FIZ1: variants seen among roughly 807,000 people sequenced by gnomAD.
FIZ1 encodes the protein flt3-interacting zinc finger protein 1.
A neutral mutation model predicts 5.3 loss-of-function variants in FIZ1; 2 were observed. That is an observed-to-expected ratio of 0.37 (90% CI 0.15 to 1.18). The LOEUF (loss-of-function observed/expected upper bound fraction) is 1.18, where lower values mean the gene tolerates loss of function less well. Ranked by LOEUF, FIZ1 falls within the 50% of genes most tolerant of loss-of-function variation. FIZ1 has a pLI of 0.37. For missense variants in FIZ1, 631 were observed against 749.7 expected, an observed-to-expected ratio of 0.84 and a Z score of 1.85; for synonymous variants, 407 against 364.2, an observed-to-expected ratio of 1.12 and a Z score of -1.34.
chr19:55,598,194 CT>C (rs1184794764), intron 1 of FIZ1: 2 of 374,334 alleles, frequency 5.3e-6, no homozygotes, highest in Non-Finnish European at 9.8e-6. Flanking sequence ...CTCTGTGCCC[CT>C]CCCACTGTAA....
Position 55,592,393 on chromosome 19 carries a change from T to C in FIZ1, c.*57A>G. On this transcript the variant is annotated 3_prime_UTR_variant, in exon 3 of 3. Coordinates refer to ENST00000221665, the MANE Select transcript of FIZ1 (RefSeq NM_032836.3). This position sits in a 1 kb window ranked among gnomAD's most constrained non-coding sequence, Gnocchi z 6.9. ...CCTCACGCGCAGTCCCGAGGTCCCCTGGTCCAGGCCGAGTCCAGGAGGCTG... is the reference window on the plus strand; with the variant it reads ...CCTCACGCGCAGTCCCGAGGTCCCCCGGTCCAGGCCGAGTCCAGGAGGCTG... 2.0e-6 allele frequency: 3 copies of C among 1,463,878 alleles called. No individual in the cohort carries two copies. Among genetic ancestry groups the C allele is most frequent in the Non-Finnish European group, 2.7e-6 (3 of 1,098,010 alleles). The allele number at this position is 1,463,878 out of a possible 1,614,324, so 90.7% of individuals were successfully genotyped here. A position where few individuals can be genotyped will look rare whatever the true frequency, so the allele number is the denominator to read the frequency against.
At position 55,592,670 on chromosome 19, in the gene FIZ1, C is replaced by A; in HGVS notation, c.1271G>T (p.Arg424Leu). The A allele has an allele frequency of 6.2e-7, 1 of 1,613,380 alleles. No individual in the cohort carries two copies. The highest frequency in any genetic ancestry group is 8.5e-7 in the Non-Finnish European group (1 of 1,179,882). ...FGCSECEKLF[R>L]SPRDLERHVL... ...GTGCCGCTCCAGGTCTCGCGGTGAG[C>A]GGAACAGCTTCTCGCACTCGGAGCA... The change falls in exon 3 of 3, where the codon CGC (arginine) becomes CTC (leucine). Residue 424 changes from arginine (R) to leucine (L), a missense_variant. Coordinates refer to ENST00000221665, the MANE Select transcript of FIZ1 (RefSeq NM_032836.3). This position sits in a 1 kb window ranked among gnomAD's most constrained non-coding sequence, Gnocchi z 6.9.
Position 55,592,296 on chromosome 19 carries a change from G to T in FIZ1, c.*154C>A. On this transcript the variant is annotated 3_prime_UTR_variant, in exon 3 of 3. Transcript: ENST00000221665. The surrounding 1 kb of genome is among the most constrained non-coding windows in gnomAD (Gnocchi z 6.9). Reference sequence around the variant, plus strand: ...TCCGGGGCCTTTGTGGGTTTTTGGTGGCCCCCACCTCTCCAGTCAGGGTCC... The same window carrying T: ...TCCGGGGCCTTTGTGGGTTTTTGGTTGCCCCCACCTCTCCAGTCAGGGTCC... The T allele has an allele frequency of 2.5e-6, 2 of 812,230 alleles. No homozygotes were observed. Among genetic ancestry groups the T allele is most frequent in the Non-Finnish European group, 3.7e-6 (2 of 542,920 alleles). The allele number at this position is 812,230 out of a possible 1,614,324, so 50.3% of individuals were successfully genotyped here.
intron 1 of FIZ1, chr19:55,598,806 C>T (rs74490421): frequency 0.14 from 20,751 of 152,222 alleles, 1,575 homozygotes; most frequent in Admixed American, 0.18. Context: ...AGTCTATTCC[C>T]ATCCCCTGCA....
At chr19:55,594,034 G>A (rs1352675087) in intron 2 of FIZ1, among the ~76,000 whole-genome samples, 2 of 152,034 alleles carry the variant, frequency 1.3e-5, no homozygotes, top group African/African-American at 2.4e-5. Flanking sequence ...GCTGCAGTAA[G>A]CCGTGACCAT....
Position 55,592,824 on chromosome 19 carries a change from A to G in FIZ1, c.1117T>C (p.Leu373=), listed in dbSNP as rs1276532097. 1.3e-6 allele frequency: 2 copies of G among 1,575,798 alleles called. No individual in the cohort carries two copies. ...TGGCTGACCCGCCGGTGCTCCTCCA[A>G]GGCGGCCAGCGCCGCGTACAGAGCC... ...CGALYAALAA[L]EEHRRVSHGE... Residue 373 remains leucine (L), a synonymous_variant, in exon 3 of 3, where the codon TTG becomes CTG. Transcript: ENST00000221665. This position sits in a 1 kb window ranked among gnomAD's most constrained non-coding sequence, Gnocchi z 6.9.
rs1280683520 is a variant in FIZ1, at chr19:55,593,021, C to T, written c.920G>A (p.Gly307Glu). The T allele has an allele frequency of 2.1e-6, 3 of 1,447,496 alleles. No individual in the cohort carries two copies. The South Asian group carries it at 4.0e-5, about 19-fold the overall frequency. 89.7% of individuals were successfully genotyped at this position (1,447,496 alleles called of 1,614,324 possible). ...PAGGGVPKLG[G>E]LLPEGGGEAP... ...CTCCCCACCGCCCTCGGGGAGCAGC[C>T]CCCCGAGCTTGGGCACGCCGCCCCC... Residue 307 changes from glycine to glutamate, a missense_variant, in exon 3 of 3, where the codon GGG becomes GAG. Gly to Glu is a moderately conservative substitution (Grantham distance 98). Coordinates refer to ENST00000221665, the MANE Select transcript of FIZ1 (RefSeq NM_032836.3). The surrounding 1 kb of genome is among the most constrained non-coding windows in gnomAD (Gnocchi z 6.3).
chr19:55,592,789 G>A lies in FIZ1; in HGVS notation c.1152C>T (p.Gly384=), dbSNP rs368962867. Reference sequence around the variant, plus strand: ...CGGCGGTCGCCGCCTCCTCCCCGCCGCCCTCACCGTGGCTGACCCGCCGGT... The same window carrying A: ...CGGCGGTCGCCGCCTCCTCCCCGCCACCCTCACCGTGGCTGACCCGCCGGT... The part of the protein sequence containing the change: ...EEHRRVSHGE[G]GGEEAATAAR... The change falls in exon 3 of 3, where the codon GGC becomes GGT. Residue 384 remains glycine (G), a synonymous_variant. Coordinates refer to ENST00000221665, the MANE Select transcript of FIZ1 (RefSeq NM_032836.3). The surrounding 1 kb of genome is among the most constrained non-coding windows in gnomAD (Gnocchi z 6.9). 10 of 1,593,892 alleles carry A rather than the reference G, an allele frequency of 6.3e-6. No individual in the cohort carries two copies. The highest frequency in any genetic ancestry group is 8.5e-6 in the Non-Finnish European group (10 of 1,174,326).
chr19:55,594,629 G>A lies in FIZ1; in HGVS notation c.295-983C>T, dbSNP rs1327866022. Among the ~76,000 whole-genome samples the A allele has an allele frequency of 5.3e-5, 8 of 150,028 alleles. No homozygotes were observed. The East Asian group carries it at 5.9e-4, about 11-fold the overall frequency. On this transcript the variant is annotated intron_variant, in intron 2 of 2. Transcript: ENST00000221665. ...GGAGAATGGCATGAACCCGGGAGGC[G>A]GAGCTTGCAGTGAGCCGAGATCGCG... is the stretch of plus-strand genomic sequence containing the variant.
chr19:55,597,446 C>A, intron 2 of FIZ1, 126 bp downstream of exon 2: 1 of 1,433,974 alleles, frequency 7.0e-7, no homozygotes, highest in South Asian at 1.5e-5. Flanking sequence ...GGGACATTTT[C>A]TAATGGGAGG....
Position 55,593,107 on chromosome 19 carries a change from G to A in FIZ1, c.834C>T (p.Thr278=), listed in dbSNP as rs1216716493. The change falls in exon 3 of 3, where the codon ACC becomes ACT. Residue 278 remains threonine, a synonymous_variant. Coordinates refer to ENST00000221665, the MANE Select transcript of FIZ1 (RefSeq NM_032836.3). This position sits in a 1 kb window ranked among gnomAD's most constrained non-coding sequence, Gnocchi z 6.3. Reference sequence around the variant, plus strand: ...GAGGAGCGTCGCCCGCCTCCGCAGCGGTGCCTTCGCCCGCCGTCTCGGGCC... The same window carrying A: ...GAGGAGCGTCGCCCGCCTCCGCAGCAGTGCCTTCGCCCGCCGTCTCGGGCC... ...GAGPETAGEG[T]AAEAGDAPLA... The A allele has an allele frequency of 9.2e-6, 12 of 1,299,796 alleles. No homozygotes were observed. The highest frequency in any genetic ancestry group is 7.5e-5 in the East Asian group (2 of 26,574). The allele number at this position is 1,299,796 out of a possible 1,614,324, so 80.5% of individuals were successfully genotyped here. A position where few individuals can be genotyped will look rare whatever the true frequency, so the allele number is the denominator to read the frequency against.
At position 55,593,774 on chromosome 19, in the gene FIZ1, C is replaced by T; in HGVS notation, c.295-128G>A. The T allele has an allele frequency of 1.2e-6, 1 of 825,252 alleles. No individual in the cohort carries two copies. Among genetic ancestry groups the T allele is most frequent in the Non-Finnish European group, 1.9e-6 (1 of 513,534 alleles). 51.1% of individuals were successfully genotyped at this position (825,252 alleles called of 1,614,324 possible). ...CCTACAGGGCCATGATCTAGGGAAACGCTCGTCCTATCACTCTCTGTTTGG... is the reference window on the plus strand; with the variant it reads ...CCTACAGGGCCATGATCTAGGGAAATGCTCGTCCTATCACTCTCTGTTTGG... On this transcript the variant is annotated intron_variant, in intron 2 of 2. Transcript: ENST00000221665. This position sits in a 1 kb window ranked among gnomAD's most constrained non-coding sequence, Gnocchi z 6.3.
intron 2 of FIZ1, among the ~76,000 whole-genome samples, chr19:55,596,405 G>C (rs1980328404): frequency 6.6e-6 from 1 of 152,130 alleles, no homozygotes; most frequent in Non-Finnish European, 1.5e-5. Flanking sequence ...CTGGCACATA[G>C]ACAGAGTGTG....
At chr19:55,598,226 C>T in intron 1 of FIZ1, 1 of 294,462 alleles carries the variant, frequency 3.4e-6, no homozygotes, top group Non-Finnish European at 6.5e-6. Context: ...TCCCACTCTT[C>T]CTTAAGTCCC....
At chr19:55,598,173 C>T (rs1212731343) in intron 1 of FIZ1, 4 of 434,298 alleles carry the variant, frequency 9.2e-6, no homozygotes, top group Admixed American at 3.7e-5. Flanking sequence ...CGCCAATGCG[C>T]GGCCACTGCT....
At chr19:55,594,570 G>A (rs1453064840) in intron 2 of FIZ1, among the ~76,000 whole-genome samples, 9 of 149,790 alleles carry the variant, frequency 6.0e-5, no homozygotes, top group African/African-American at 2.2e-4. Flanking sequence ...GGTGGCGGGC[G>A]CCTGTAGTCC....
In FIZ1 at chr19:55,597,828, G is replaced by A; in HGVS notation, c.38C>T (p.Pro13Leu). 1 of 1,610,534 alleles carries A rather than the reference G, an allele frequency of 6.2e-7. No individual in the cohort carries two copies. The highest frequency in any genetic ancestry group is 8.5e-7 in the Non-Finnish European group (1 of 1,178,530). The change falls in exon 2 of 3, where the codon CCG (proline) becomes CTG (leucine). Residue 13 changes from proline (P) to leucine (L), a missense_variant. Around this residue, in one of 4 missense-constraint regions of FIZ1, gnomAD observed 39 missense variants for 34.3 expected, o/e 1.14. Coordinates refer to ENST00000221665, the MANE Select transcript of FIZ1 (RefSeq NM_032836.3). ...DVPAPTPAPAPPAAAAPRVPF... is the reference protein window; with the variant it reads ...DVPAPTPAPALPAAAAPRVPF... Reference sequence around the variant, plus strand: ...GACCCTGGGGGCGGCAGCGGCGGGCGGTGCTGGTGCAGGGGTTGGGGCGGG... The same window carrying A: ...GACCCTGGGGGCGGCAGCGGCGGGCAGTGCTGGTGCAGGGGTTGGGGCGGG...
chr19:55,597,397 G>T (rs771984248), intron 2 of FIZ1, among the ~76,000 whole-genome samples, 175 bp downstream of exon 2: 1 of 152,200 alleles, frequency 6.6e-6, no homozygotes, highest in South Asian at 2.1e-4. Flanking sequence ...GAGAAATAGC[G>T]CATGCTTTCA....
At chr19:55,598,200 CTG>C (rs925661257) in intron 1 of FIZ1, 6 of 361,116 alleles carry the variant, frequency 1.7e-5, no homozygotes, top group African/African-American at 1.2e-4. Flanking sequence ...GCCCCTCCCA[CTG>C]TAATTTAAGC....
Sources: gnomAD v4.1 joint callset for allele counts (sites outside exome capture counted in the v4.1 genomes callset) on GRCh38, gnomAD v4.1.1 for gene constraint, gnomAD v4.1.1 regional missense constraint, Gnocchi (gnomAD v3.1) non-coding constraint, MANE v1.5 for transcripts, NCBI Gene and HGNC (gene_info 2026-07-23, HGNC 2026-07-21) for gene names.